The following CFAP43 variants were observed in gnomAD, a reference collection of about 807,000 sequenced individuals.
CFAP43 encodes the protein cilia- and flagella-associated protein 43.
Under a neutral mutation model 218.9 loss-of-function variants are expected in CFAP43, and 155 were observed. The observed-to-expected ratio is 0.71, with a 90% CI of 0.62 to 0.81. CFAP43 has a LOEUF of 0.81. Ranked by LOEUF, CFAP43 falls within the 30% of genes least tolerant of loss-of-function variation. The pLI is 0.00. For synonymous variants in CFAP43, 645 were observed against 681.3 expected (o/e 0.95, Z 0.83); for missense variants, 1,778 against 1,954.3 (o/e 0.91, Z 1.70).
At chr10:104,214,486 A>C (rs1292424053) in intron 3 of CFAP43, 60 bp from the exon 4 acceptor site, 1 of 1,342,552 alleles carries the variant, frequency 7.4e-7, no homozygotes, top group Admixed American at 2.7e-5. Flanking sequence ...TATTTAGAAC[A>C]TTTATCTATT....
chr10:104,134,222 A>G (rs2087332399), intron 34 of CFAP43, among the ~76,000 whole-genome samples: 1 of 152,048 alleles, frequency 6.6e-6, no homozygotes, highest in Admixed American at 6.6e-5. Flanking sequence ...ACAGAGCAAG[A>G]CCTCAACTAT....
Position 104,166,762 on chromosome 10 carries a change from A to G in CFAP43, c.2809-44T>C, listed in dbSNP as rs2089177120. On this transcript the variant is annotated intron_variant, in intron 22 of 37. Coordinates refer to ENST00000357060, the MANE Select transcript of CFAP43 (RefSeq NM_025145.7). ...GACACAGAAGTTATGCAATAATAAG[A>G]ATCCTCTAAAGGGAAATTTTGTGAC... 4 of 1,510,698 alleles carry G rather than the reference A, an allele frequency of 2.6e-6. No individual in the cohort carries two copies. In the African/African-American group the frequency reaches 4.2e-5, roughly 16 times the overall value. The allele number at this position is 1,510,698 out of a possible 1,614,324, so 93.6% of individuals were successfully genotyped here. A position where few individuals can be genotyped will look rare whatever the true frequency, so the allele number is the denominator to read the frequency against.
intron 24 of CFAP43, 65 bp from the exon 25 acceptor site, chr10:104,162,468 C>T: frequency 7.3e-7 from 1 of 1,376,052 alleles, no homozygotes; most frequent in Non-Finnish European, 1.0e-6. Context: ...TTTCCTTCCA[C>T]ATACTGGGAG....
Position 104,166,652 on chromosome 10 carries a change from C to T in CFAP43, c.2875G>A (p.Asp959Asn). 1 of 1,614,116 alleles carries T rather than the reference C, an allele frequency of 6.2e-7. No homozygotes were observed. ...KLIKQRHEED[D>N]EEEEEEDKTV... Reference sequence around the variant, plus strand: ...TTGTCTTCCTCTTCCTCTTCTTCATCATCCTCTTCATGACGCTGTTTAATC... The same window carrying T: ...TTGTCTTCCTCTTCCTCTTCTTCATTATCCTCTTCATGACGCTGTTTAATC... The change falls in exon 23 of 38, where the codon GAT (aspartate) becomes AAT (asparagine). Residue 959 changes from aspartate to asparagine, a missense_variant. This residue lies in a region of CFAP43 where 1,553 missense variants were observed against 1,685.2 expected (regional missense o/e 0.92). Coordinates refer to ENST00000357060, the MANE Select transcript of CFAP43 (RefSeq NM_025145.7).
intron 2 of CFAP43, among the ~76,000 whole-genome samples, chr10:104,227,490 T>C (rs2091334123): frequency 6.6e-6 from 1 of 152,236 alleles, no homozygotes; most frequent in Admixed American, 6.5e-5. Context: ...AATAGCATCT[T>C]GGTTTAAATC....
intron 27 of CFAP43, 32 bp downstream of exon 27, chr10:104,161,005 G>A: frequency 1.3e-6 from 2 of 1,572,014 alleles, no homozygotes; most frequent in Non-Finnish European, 1.7e-6. Flanking sequence ...CTCTGGATAT[G>A]GTAGGTTATA....
intron 18 of CFAP43, 99 bp downstream of exon 18, chr10:104,179,741 T>C: frequency 2.2e-6 from 2 of 903,918 alleles, no homozygotes; most frequent in Non-Finnish European, 3.5e-6. Context: ...TGGTGTCTCA[T>C]TCCATCTTCT....
At chr10:104,172,272 G>T in intron 20 of CFAP43, 138 bp downstream of exon 20, 1 of 1,047,016 alleles carries the variant, frequency 9.6e-7, no homozygotes, top group Non-Finnish European at 1.3e-6. Flanking sequence ...ATACTTATAT[G>T]CACTATGTTT....
rs767199222 is a variant in CFAP43, at chr10:104,193,914, T to C, written c.1394A>G (p.Gln465Arg). 1.1e-5 allele frequency: 18 copies of C among 1,613,932 alleles called. No individual in the cohort carries two copies. Among genetic ancestry groups the C allele is most frequent in the Non-Finnish European group, 1.5e-5 (18 of 1,179,998 alleles). Residue 465 changes from glutamine to arginine, a missense_variant, in exon 11 of 38, where the codon CAG becomes CGG. Transcript: ENST00000357060. ...CGAGAGAAAGGCCTTGTGCACGACC[T>C]GAGGGGATTCCTTATCATATACGCT... The part of the protein sequence containing the change: ...FISVYDKESP[Q>R]VVHKAFLSES...
rs1048026890 is a variant in CFAP43, at chr10:104,232,323, C to A, written c.-77G>T. 1.4e-6 allele frequency: 2 copies of A among 1,396,932 alleles called. No individual in the cohort carries two copies. Among genetic ancestry groups the A allele is most frequent in the Admixed American group, 5.4e-5 (2 of 37,076 alleles). The allele number at this position is 1,396,932 out of a possible 1,614,324, so 86.5% of individuals were successfully genotyped here. On this transcript the variant is annotated 5_prime_UTR_variant, in exon 1 of 38. Transcript: ENST00000357060. ...CGGGTCGGTTACCTTTCCGCCGCCG[C>A]GGGGCTGCGGGCCGCGACGCCGCTG...
Position 104,192,291 on chromosome 10 carries a change from T to C in CFAP43, c.1454A>G (p.Gln485Arg). The change falls in exon 12 of 38, where the codon CAA (glutamine) becomes CGA (arginine). Residue 485 changes from glutamine to arginine, a missense_variant. This residue lies in a region of CFAP43 where 1,553 missense variants were observed against 1,685.2 expected (regional missense o/e 0.92). Coordinates refer to ENST00000357060, the MANE Select transcript of CFAP43 (RefSeq NM_025145.7). ...SSVQHVVYDQ[Q>R]GIFLLVGTAE... ...TGTTCCAACTAACAGAAATATTCCT[T>C]GCTGATCATAACTAGAAAAGAAGAA... is the stretch of plus-strand genomic sequence containing the variant. 1.2e-6 allele frequency: 2 copies of C among 1,611,598 alleles called. No homozygotes were observed. The highest frequency in any genetic ancestry group is 1.1e-5 in the South Asian group (1 of 90,842).
intron 3 of CFAP43, among the ~76,000 whole-genome samples, chr10:104,223,955 G>A (rs76458018): frequency 0.018 from 2,760 of 152,262 alleles, 101 homozygotes; most frequent in African/African-American, 0.064. Flanking sequence ...ACCAGAAAAT[G>A]CAAACTAGAG....
Position 104,196,940 on chromosome 10 carries a change from A to G in CFAP43, c.1213-7T>C. On this transcript the variant is annotated splice_polypyrimidine_tract_variant and splice_region_variant and intron_variant, in intron 9 of 37. Transcript: ENST00000357060. The stretch of plus-strand genomic sequence containing the variant: ...CCCCTGAATATGTAAGTGTCTGTAA[A>G]AAAAGAAAAACAAAAACTCTACATG... 1.2e-6 allele frequency: 2 copies of G among 1,606,668 alleles called. No individual in the cohort carries two copies. The highest frequency in any genetic ancestry group is 1.7e-6 in the Non-Finnish European group (2 of 1,177,506).
At chr10:104,210,790 T>TTTC (rs1411987311) in intron 5 of CFAP43, among the ~76,000 whole-genome samples, 1 of 135,808 alleles carries the variant, frequency 7.4e-6, no homozygotes, top group African/African-American at 2.8e-5. Context: ...ACTCTTTTTT[T>TTTC]TTTTTTTTTT....
At chr10:104,232,079 G>C (rs759686555) in intron 1 of CFAP43, 103 bp downstream of exon 1, 30 of 1,378,368 alleles carry the variant, frequency 2.2e-5, no homozygotes, top group Middle Eastern at 1.9e-4. Context: ...CGAAGCTGCG[G>C]GGAAAGCCGC....
chr10:104,212,922 T>C (rs1248129585), intron 4 of CFAP43, among the ~76,000 whole-genome samples: 1 of 152,218 alleles, frequency 6.6e-6, no homozygotes, highest in Non-Finnish European at 1.5e-5. Context: ...GCTTGCTTTG[T>C]GAACTAGGAC....
chr10:104,158,853 G>C (rs1426350100), intron 27 of CFAP43, among the ~76,000 whole-genome samples: 1 of 151,934 alleles, frequency 6.6e-6, no homozygotes, highest in Non-Finnish European at 1.5e-5. Flanking sequence ...GAGAAAAAGA[G>C]AACAAATGTG....
At position 104,232,176 on chromosome 10, in the gene CFAP43, C is replaced by G; in HGVS notation, c.65+6G>C. On this transcript the variant is annotated splice_donor_region_variant and intron_variant, in intron 1 of 37. Transcript: ENST00000357060. Reference sequence around the variant, plus strand: ...CAGATCGGTCGCGGGGCCGTGAACACCGCACCTCACGGACAAGGACGCGCC... The same window carrying G: ...CAGATCGGTCGCGGGGCCGTGAACAGCGCACCTCACGGACAAGGACGCGCC... 6.2e-7 allele frequency: 1 copy of G among 1,608,416 alleles called. No homozygotes were observed. The highest frequency in any genetic ancestry group is 2.2e-5 in the East Asian group (1 of 44,454).
chr10:104,197,869 T>G, intron 9 of CFAP43, 53 bp downstream of exon 9: 2 of 1,251,738 alleles, frequency 1.6e-6, no homozygotes, highest in African/African-American at 1.5e-5. Context: ...ATTTAAATCT[T>G]GCAACATCAT....
Sources: gnomAD v4.1 joint callset for allele counts (sites outside exome capture counted in the v4.1 genomes callset) on GRCh38, gnomAD v4.1.1 for gene constraint, gnomAD v4.1.1 regional missense constraint, MANE v1.5 for transcripts, NCBI Gene and HGNC (gene_info 2026-07-23, HGNC 2026-07-21) for gene names.